DOCK11: variants seen among roughly 807,000 people sequenced by gnomAD.
The protein encoded by DOCK11 is dedicator of cytokinesis protein 11.
A neutral mutation model predicts 169.1 loss-of-function variants in DOCK11; 70 were observed. The ratio of observed to expected loss-of-function variants is 0.41; its 90% confidence interval spans 0.34 to 0.51. DOCK11 has a LOEUF of 0.51. DOCK11 is among the 20% of genes least tolerant of loss of function. The pLI, the probability that DOCK11 is intolerant of heterozygous loss-of-function variation, is 0.10. For missense variants in DOCK11, 1,166 were observed against 1,538.8 expected, an observed-to-expected ratio of 0.76 and a Z score of 4.05; for synonymous variants, 529 against 541.3, an observed-to-expected ratio of 0.98 and a Z score of 0.32.
intron 23 of DOCK11, among the ~76,000 whole-genome samples, chrX:118,604,215 C>T (rs980931666): frequency 2.7e-5 from 3 of 111,188 alleles, no homozygotes; most frequent in African/African-American, 6.6e-5. Flanking sequence ...GGGGAGACAT[C>T]GAAAAAATCT....
chrX:118,601,413 C>T (rs1284562345), intron 23 of DOCK11, among the ~76,000 whole-genome samples: 1 of 104,298 alleles, frequency 9.6e-6, no homozygotes, highest in Non-Finnish European at 2.0e-5. Context: ...CACAGCGAGA[C>T]CCTGTCTCAA....
intron 48 of DOCK11, among the ~76,000 whole-genome samples, chrX:118,677,118 A>G (rs183337495): frequency 6.2e-5 from 7 of 112,365 alleles, no homozygotes; most frequent in African/African-American, 1.9e-4. Flanking sequence ...CATGCTCACT[A>G]AAGGTTAGAT....
chrX:118,600,421 A>AAAAG (rs1556304754), intron 23 of DOCK11, among the ~76,000 whole-genome samples: 3,753 of 105,456 alleles, frequency 0.036, 165 homozygotes, highest in African/African-American at 0.11. Flanking sequence ...AAAAAAAAAA[A>AAAAG]AAAGAAAAAA....
chrX:118,651,793 T>G (rs774330089), intron 41 of DOCK11, among the ~76,000 whole-genome samples, 171 bp from the exon 42 acceptor site: 1 of 112,033 alleles, frequency 8.9e-6, no homozygotes, highest in Non-Finnish European at 1.9e-5. Context: ...AAGTTACTAT[T>G]TCAGCAGAAG....
chrX:118,556,682 G>A (rs1432791721), intron 6 of DOCK11, among the ~76,000 whole-genome samples: 3 of 106,735 alleles, frequency 2.8e-5, no homozygotes, highest in African/African-American at 6.9e-5. Flanking sequence ...GCTTGAATCC[G>A]GGAGGCAGAG....
At chrX:118,507,588 G>T (rs911344804) in intron 1 of DOCK11, among the ~76,000 whole-genome samples, 1 of 111,861 alleles carries the variant, frequency 8.9e-6, no homozygotes, top group African/African-American at 3.2e-5. Flanking sequence ...GACCTCAGGT[G>T]ATCCATCCGC....
In DOCK11 at chrX:118,495,835, C is replaced by T. The variant is rs955085288; in HGVS notation, c.-137C>T. The T allele has an allele frequency of 4.5e-5, 9 of 198,070 alleles. No homozygotes were observed. The highest frequency in any genetic ancestry group is 8.4e-5 in the Admixed American group (1 of 11,965). The allele number at this position is 198,070 out of a possible 1,213,427, so 16.3% of individuals were successfully genotyped here. A position where few individuals can be genotyped will look rare whatever the true frequency, so the allele number is the denominator to read the frequency against. On this transcript the variant is annotated 5_prime_UTR_variant, in exon 1 of 53. Coordinates refer to ENST00000276202, the MANE Select transcript of DOCK11 (RefSeq NM_144658.4). ...GGAGCAGCGTGAGCCGCGCCGCCGCCGAGCTGCGATGTGGCCGGCCGGCCG... is the reference window on the plus strand; with the variant it reads ...GGAGCAGCGTGAGCCGCGCCGCCGCTGAGCTGCGATGTGGCCGGCCGGCCG...
chrX:118,618,421 A>T (rs1312148100), intron 30 of DOCK11, 129 bp from the exon 31 acceptor site: 2 of 511,651 alleles, frequency 3.9e-6, no homozygotes, highest in African/African-American at 4.9e-5. Flanking sequence ...AGAATTGCTC[A>T]GAATCATTAA....
At chrX:118,610,906 G>A (rs959743634) in intron 28 of DOCK11, among the ~76,000 whole-genome samples, 3 of 110,998 alleles carry the variant, frequency 2.7e-5, no homozygotes, top group African/African-American at 9.8e-5. Flanking sequence ...GGGTGTGGTG[G>A]CAGGCACCTG....
chrX:118,647,966 A>AT (rs1569440950), intron 40 of DOCK11, among the ~76,000 whole-genome samples: 2,885 of 46,355 alleles, frequency 0.062, 452 homozygotes, highest in Middle Eastern at 0.13. Context: ...TATATAATAT[A>AT]TAATTATATA....
intron 40 of DOCK11, among the ~76,000 whole-genome samples, chrX:118,647,531 ATAT>A (rs1213755974): frequency 5.2e-4 from 38 of 72,973 alleles, no homozygotes; most frequent in East Asian, 3.1e-3. Context: ...ATATAATATA[ATAT>A]TATATATTAT....
chrX:118,606,438 A>T (rs1168378275), intron 24 of DOCK11, among the ~76,000 whole-genome samples: 1 of 112,825 alleles, frequency 8.9e-6, no homozygotes, highest in African/African-American at 3.2e-5. Flanking sequence ...CTAGGGATGC[A>T]TATTTAACAG....
chrX:118,583,972 T>G (rs1285082533), intron 14 of DOCK11, among the ~76,000 whole-genome samples: 1 of 112,000 alleles, frequency 8.9e-6, no homozygotes, highest in Non-Finnish European at 1.9e-5. Flanking sequence ...AATCCACGGA[T>G]GCGGAGCCTG....
At chrX:118,622,347 C>T (rs959496840) in intron 31 of DOCK11, among the ~76,000 whole-genome samples, 20 of 111,671 alleles carry the variant, frequency 1.8e-4, no homozygotes, top group African/African-American at 5.2e-4. Context: ...TTAGATCTAC[C>T]GCATTTTAAA....
intron 50 of DOCK11, 55 bp downstream of exon 50, chrX:118,681,303 A>T: frequency 9.6e-7 from 1 of 1,038,802 alleles, no homozygotes; most frequent in Non-Finnish European, 1.3e-6. Context: ...TTTTGGTTTT[A>T]TAAGGGCACA....
Position 118,608,336 on chromosome X carries a change from T to C in DOCK11, c.2857T>C (p.Ser953Pro). The change falls in exon 26 of 53, where the codon TCA becomes CCA. Residue 953 changes from serine (S) to proline (P), a missense_variant. Transcript: ENST00000276202. ...ATTGAAACAGTCTGCAGATTTTTTA[T>C]CAATAAACAAATTGCTAAAGGTATG... ...AILKQSADFL[S>P]INKLLKYSWF... 1 of 1,209,148 alleles carries C rather than the reference T, an allele frequency of 8.3e-7. No homozygotes were observed. Among genetic ancestry groups the C allele is most frequent in the Non-Finnish European group, 1.1e-6 (1 of 894,616 alleles).
chrX:118,673,398 G>C (rs998381258), intron 46 of DOCK11, among the ~76,000 whole-genome samples: 2 of 111,419 alleles, frequency 1.8e-5, no homozygotes, highest in Non-Finnish European at 3.8e-5. Context: ...CTTAAGTCCA[G>C]GAGATTGAGG....
In DOCK11 at chrX:118,578,592, A is replaced by G. The variant is rs769123368; in HGVS notation, c.1457A>G (p.Gln486Arg). 4.1e-6 allele frequency: 5 copies of G among 1,207,847 alleles called. No individual in the cohort carries two copies. The highest frequency in any genetic ancestry group is 4.5e-6 in the Non-Finnish European group (4 of 892,175). The change falls in exon 13 of 53, where the codon CAG becomes CGG. Residue 486 changes from glutamine (Q) to arginine (R), a missense_variant. By Grantham distance (43) the Gln-to-Arg change is conservative. Transcript: ENST00000276202. Reference sequence around the variant, plus strand: ...GTTGCCAGAATTGAAAAGGTACTACAGGGAAACATTACACACTGTGCAGAA... The same window carrying G: ...GTTGCCAGAATTGAAAAGGTACTACGGGGAAACATTACACACTGTGCAGAA... Reference protein sequence around the residue: ...FLVARIEKVLQGNITHCAEPY... With the variant: ...FLVARIEKVLRGNITHCAEPY...
chrX:118,647,519 A>T (rs1350401062), intron 40 of DOCK11, among the ~76,000 whole-genome samples: 2 of 64,828 alleles, frequency 3.1e-5, no homozygotes, highest in Non-Finnish European at 5.2e-5. Context: ...TAATAATATA[A>T]TATATAATAT....
Sources: gnomAD v4.1 joint callset for allele counts (sites outside exome capture counted in the v4.1 genomes callset) on GRCh38, gnomAD v4.1.1 for gene constraint, MANE v1.5 for transcripts, NCBI Gene and HGNC (gene_info 2026-07-23, HGNC 2026-07-21) for gene names.